The following SLC5A5 variants were observed in gnomAD, a reference collection of about 807,000 sequenced individuals.
The protein encoded by SLC5A5 is sodium/iodide cotransporter.
Under a neutral mutation model 68.6 loss-of-function variants are expected in SLC5A5, and 56 were observed. The observed-to-expected ratio is 0.82, with a 90% CI of 0.66 to 1.02. The LOEUF (loss-of-function observed/expected upper bound fraction) is 1.02. Among genes scored for constraint, SLC5A5 ranks in the 50% least tolerant of loss-of-function variants. The pLI is 0.00. For synonymous variants in SLC5A5, 398 were observed against 373.0 expected, an observed-to-expected ratio of 1.07 and a Z score of -0.77; for missense variants, 807 against 859.8, an observed-to-expected ratio of 0.94 and a Z score of 0.77.
At position 17,882,076 on chromosome 19, in the gene SLC5A5, A is replaced by C; in HGVS notation, c.1171+4A>C. 2.5e-6 allele frequency: 4 copies of C among 1,613,438 alleles called. No homozygotes were observed. The South Asian group carries it at 4.4e-5, about 18-fold the overall frequency. On this transcript the variant is annotated splice_donor_region_variant and intron_variant, in intron 9 of 14. Transcript: ENST00000222248. ...GTGATTATCTCCAAGGGGCTCTGTG[A>C]GTTTCAGGGAGACCTGGGTGGGAGG... is the stretch of plus-strand genomic sequence containing the variant.
intron 5 of SLC5A5, among the ~76,000 whole-genome samples, chr19:17,877,458 C>A (rs187428156): frequency 6.6e-6 from 1 of 151,956 alleles, no homozygotes; most frequent in Non-Finnish European, 1.5e-5. Flanking sequence ...TAGAGGCACC[C>A]GCCATTATTC....
chr19:17,888,824 G>A (rs1458495168), intron 13 of SLC5A5, among the ~76,000 whole-genome samples: 1 of 151,312 alleles, frequency 6.6e-6, no homozygotes, highest in Non-Finnish European at 1.5e-5. Context: ...TAGAGACGGA[G>A]TTTCGCCATG....
intron 8 of SLC5A5, among the ~76,000 whole-genome samples, chr19:17,881,525 G>A (rs769547465): frequency 4.6e-5 from 7 of 152,136 alleles, no homozygotes; most frequent in African/African-American, 1.2e-4. Flanking sequence ...CTTTGGCCTC[G>A]CAAAGTGCTG....
chr19:17,877,331 A>C (rs1440715562), intron 5 of SLC5A5, among the ~76,000 whole-genome samples: 1 of 148,370 alleles, frequency 6.7e-6, no homozygotes. Flanking sequence ...TTTTTTTGAG[A>C]TGGAGTCTCG....
chr19:17,878,000 C>T lies in SLC5A5; in HGVS notation c.876C>T (p.Ile292=), dbSNP rs750552838. The T allele has an allele frequency of 1.1e-5, 18 of 1,613,344 alleles. 1 individual carries two copies. Among genetic ancestry groups the T allele is most frequent in the African/African-American group, 9.3e-5 (7 of 74,930 alleles). ...LLINQVGLFL[I]VSSAACCGIV... is the part of the protein sequence containing the mutation. ...TCAACCAGGTCGGCCTGTTCCTGAT[C>T]GTGTCCAGCGCTGCCTGCTGTGGCA... Residue 292 remains isoleucine, a synonymous_variant, in exon 7 of 15, where the codon ATC becomes ATT. Coordinates refer to ENST00000222248, the MANE Select transcript of SLC5A5 (RefSeq NM_000453.3).
chr19:17,889,480 G>GAGAGAA (rs2030077378), intron 13 of SLC5A5, among the ~76,000 whole-genome samples: 1 of 151,958 alleles, frequency 6.6e-6, no homozygotes, highest in African/African-American at 2.4e-5. Context: ...GAGAAAGAGA[G>GAGAGAA]AGAGAAAGAA....
chr19:17,872,827 G>A (rs1464556970), intron 1 of SLC5A5, 151 bp downstream of exon 1: 2 of 638,020 alleles, frequency 3.1e-6, no homozygotes, highest in East Asian at 5.5e-5. Context: ...CAGACACGTG[G>A]GGAGGGTTCT....
chr19:17,894,578 C>T lies in SLC5A5; in HGVS notation c.*701C>T, dbSNP rs935590963. ...CAAACTCCTGATCTCAGGTGATCCT[C>T]CTGCCTTGGCCTCCCAAAGGGCTGG... On this transcript the variant is annotated 3_prime_UTR_variant, in exon 15 of 15. Coordinates refer to ENST00000222248, the MANE Select transcript of SLC5A5 (RefSeq NM_000453.3). 1 of 152,324 alleles carries T rather than the reference C, an allele frequency of 6.6e-6. No homozygotes were observed. Among genetic ancestry groups the T allele is most frequent in the African/African-American group, 2.4e-5 (1 of 41,452 alleles). The allele number at this position is 152,324 out of a possible 1,614,324, so 9.4% of individuals were successfully genotyped here.
At chr19:17,883,609 C>T in intron 10 of SLC5A5, 72 bp from the exon 11 acceptor site, 1 of 1,273,138 alleles carries the variant, frequency 7.9e-7, no homozygotes, top group Non-Finnish European at 1.1e-6. Flanking sequence ...TCTCGCTTTC[C>T]CAGCGGGTAA....
At position 17,874,652 on chromosome 19, in the gene SLC5A5, C is replaced by A. The variant is rs773908234; in HGVS notation, c.476-12C>A. ...GCCCAGGGGCCTAACAGGGGGACCT[C>A]TTTTTGCATAGTGACCGGGCTGGAC... On this transcript the variant is annotated splice_polypyrimidine_tract_variant and intron_variant, in intron 3 of 14. Coordinates refer to ENST00000222248, the MANE Select transcript of SLC5A5 (RefSeq NM_000453.3). 6.2e-7 allele frequency: 1 copy of A among 1,613,832 alleles called. No individual in the cohort carries two copies. Among genetic ancestry groups the A allele is most frequent in the Non-Finnish European group, 8.5e-7 (1 of 1,180,006 alleles).
At position 17,883,764 on chromosome 19, in the gene SLC5A5, A is replaced by AGTGGGG; in HGVS notation, c.1326_1327insGTGGGG (p.Thr442_Pro443insValGly). On this transcript the variant is annotated inframe_insertion, in exon 11 of 15. Transcript: ENST00000222248. ...GAATGTTCCTGCCGGCCTGCAACACACCGGTGAGTGGGGGCGGGGCAAGGG... is the reference window on the plus strand; with the variant it reads ...GAATGTTCCTGCCGGCCTGCAACACAGTGGGGCCGGTGAGTGGGGGCGGGGCAAGGG... 1 of 835,312 alleles carries AGTGGGG rather than the reference A, an allele frequency of 1.2e-6. No individual in the cohort carries two copies. The highest frequency in any genetic ancestry group is 1.8e-6 in the Non-Finnish European group (1 of 551,328). The allele number at this position is 835,312 out of a possible 1,614,324, so 51.7% of individuals were successfully genotyped here.
At chr19:17,874,096 T>G in intron 1 of SLC5A5, 42 bp from the exon 2 acceptor site, 1 of 1,480,562 alleles carries the variant, frequency 6.8e-7, no homozygotes, top group Non-Finnish European at 9.4e-7. Context: ...CCTCGGCTCC[T>G]GGGTAAGGAC....
rs1184084118 is a variant in SLC5A5, at chr19:17,872,466, C to A, written c.147C>A (p.Thr49=). The change falls in exon 1 of 15, where the codon ACC becomes ACA. Residue 49 remains threonine (T), a synonymous_variant. Coordinates refer to ENST00000222248, the MANE Select transcript of SLC5A5 (RefSeq NM_000453.3). ...GGQRSAEDFF[T]GGRRLAALPV... ...AGCGCAGCGCTGAGGACTTCTTCAC[C>A]GGGGGCCGGCGCCTGGCGGCCCTGC... 1.2e-6 allele frequency: 2 copies of A among 1,610,972 alleles called. No homozygotes were observed. The highest frequency in any genetic ancestry group is 1.7e-5 in the Admixed American group (1 of 59,800).
At chr19:17,874,859 T>C (rs1341000984) in intron 4 of SLC5A5, 128 bp downstream of exon 4, 9 of 845,094 alleles carry the variant, frequency 1.1e-5, no homozygotes, top group South Asian at 1.4e-5. Context: ...TGTCCTCATC[T>C]TTATAGTGAA....
chr19:17,872,264 C>G lies in SLC5A5; in HGVS notation c.-56C>G. ...TGCCTCCTCGGCCCCTGCCAGCTTCCCCCGCTTGAGCACGCAGGGCGTCCG... is the reference window on the plus strand; with the variant it reads ...TGCCTCCTCGGCCCCTGCCAGCTTCGCCCGCTTGAGCACGCAGGGCGTCCG... On this transcript the variant is annotated 5_prime_UTR_variant, in exon 1 of 15. Transcript: ENST00000222248. 1 of 1,181,014 alleles carries G rather than the reference C, an allele frequency of 8.5e-7. No homozygotes were observed. Among genetic ancestry groups the G allele is most frequent in the Non-Finnish European group, 1.2e-6 (1 of 837,924 alleles). The allele number at this position is 1,181,014 out of a possible 1,614,324, so 73.2% of individuals were successfully genotyped here.
chr19:17,889,817 T>C (rs1203698793), intron 13 of SLC5A5, among the ~76,000 whole-genome samples: 2 of 152,186 alleles, frequency 1.3e-5, no homozygotes, highest in East Asian at 3.9e-4. Flanking sequence ...TGCTGAAATA[T>C]CTTCTAAAGC....
chr19:17,893,485 T>C (rs1434003747), intron 14 of SLC5A5, among the ~76,000 whole-genome samples: 1 of 152,098 alleles, frequency 6.6e-6, no homozygotes, highest in Admixed American at 6.6e-5. Context: ...TGAGAAAGCG[T>C]TGATGGCCTG....
At position 17,875,968 on chromosome 19, in the gene SLC5A5, T is replaced by G. The variant is rs760015518; in HGVS notation, c.560T>G (p.Val187Gly). Residue 187 changes from valine (V) to glycine (G), a missense_variant, in exon 5 of 15, where the codon GTG becomes GGG. Coordinates refer to ENST00000222248, the MANE Select transcript of SLC5A5 (RefSeq NM_000453.3). ...ATGCTGCAGGGCGGCATGAAGGCTG[T>G]GGTCTGGACTGATGTGTTCCAGGTC... ...FYTAVGGMKAVVWTDVFQVVV... is the reference protein window; with the variant it reads ...FYTAVGGMKAGVWTDVFQVVV... 2 of 1,614,032 alleles carry G rather than the reference T, an allele frequency of 1.2e-6. No homozygotes were observed. The highest frequency in any genetic ancestry group is 2.7e-5 in the African/African-American group (2 of 74,926).
chr19:17,888,285 C>G (rs201568651), intron 12 of SLC5A5, 46 bp from the exon 13 acceptor site: 3 of 1,610,730 alleles, frequency 1.9e-6, no homozygotes, highest in African/African-American at 2.7e-5. Flanking sequence ...TGAGTGCAGG[C>G]AGGGGATAAA....
Sources: allele counts gnomAD v4.1 joint callset (sites outside exome capture counted in the v4.1 genomes callset), GRCh38; gene constraint gnomAD v4.1.1; transcripts MANE v1.5; gene names NCBI Gene and HGNC (gene_info 2026-07-23, HGNC 2026-07-21).